Variants in ALDH1L2 observed in about 807,000 individuals in gnomAD.
ALDH1L2 encodes the protein aldehyde dehydrogenase 1 family member L2.
ALDH1L2 carries 91 observed loss-of-function variants against 111.0 expected under a neutral mutation model. That is an observed-to-expected ratio of 0.82 (90% confidence interval 0.69 to 0.98). The LOEUF is 0.98. ALDH1L2 is among the 50% of genes least tolerant of loss of function. ALDH1L2 has a pLI of 0.00. For missense variants in ALDH1L2, 995 were observed against 1,126.8 expected, an observed-to-expected ratio of 0.88 and a Z score of 1.67; for synonymous variants, 374 against 392.6, an observed-to-expected ratio of 0.95 and a Z score of 0.56.
intron 16 of ALDH1L2, among the ~76,000 whole-genome samples, chr12:105,040,327 T>C (rs889348218): frequency 6.6e-6 from 1 of 152,082 alleles, no homozygotes; most frequent in African/African-American, 2.4e-5. Context: ...TAAGCCTTGA[T>C]TTTTATCTTC....
chr12:105,038,340 T>G, intron 17 of ALDH1L2, 138 bp from the exon 18 acceptor site: 1 of 616,570 alleles, frequency 1.6e-6, no homozygotes, highest in Non-Finnish European at 2.8e-6. Flanking sequence ...AGCTATAAGT[T>G]ACCACCTGGC....
chr12:105,021,042 G>C lies in ALDH1L2; in HGVS notation c.*3382C>G, dbSNP rs977833861. The C allele has an allele frequency of 6.6e-6, 1 of 152,438 alleles. No homozygotes were observed. The highest frequency in any genetic ancestry group is 2.4e-5 in the African/African-American group (1 of 41,452). 9.4% of individuals were successfully genotyped at this position (152,438 alleles called of 1,614,324 possible). A position where few individuals can be genotyped will look rare whatever the true frequency, so the allele number is the denominator to read the frequency against. On this transcript the variant is annotated 3_prime_UTR_variant, in exon 23 of 23. Coordinates refer to ENST00000258494, the MANE Select transcript of ALDH1L2 (RefSeq NM_001034173.4). ...GACAGAGGCCCTGAGGCAGGAGCAG[G>C]CTTGTTCTGTTGAGGAAGTCAAGGC...
intron 7 of ALDH1L2, among the ~76,000 whole-genome samples, chr12:105,062,569 G>A (rs1007140400): frequency 6.6e-6 from 1 of 152,306 alleles, no homozygotes; most frequent in African/African-American, 2.4e-5. Flanking sequence ...CATTGGGAAG[G>A]CAGACAGACA....
At chr12:105,068,984 G>A in intron 3 of ALDH1L2, 100 bp from the exon 4 acceptor site, 1 of 1,097,860 alleles carries the variant, frequency 9.1e-7, no homozygotes, top group African/African-American at 1.6e-5. Flanking sequence ...TGGAAAAGTA[G>A]ACAATGAATG....
intron 15 of ALDH1L2, among the ~76,000 whole-genome samples, chr12:105,042,088 C>G (rs1250035959): frequency 5.3e-5 from 8 of 151,878 alleles, no homozygotes; most frequent in African/African-American, 1.9e-4. Context: ...ACAACACACA[C>G]ACACACGTCT....
At chr12:105,075,848 C>T (rs1462441411) in intron 1 of ALDH1L2, among the ~76,000 whole-genome samples, 1 of 152,106 alleles carries the variant, frequency 6.6e-6, no homozygotes, top group African/African-American at 2.4e-5. Context: ...TGAAGTGGTG[C>T]AATCTCGGCT....
At chr12:105,065,175 A>C in intron 6 of ALDH1L2, 92 bp downstream of exon 6, 1 of 791,196 alleles carries the variant, frequency 1.3e-6, no homozygotes, top group Non-Finnish European at 2.1e-6. Flanking sequence ...ATGACCAAGG[A>C]AGAACCATGG....
At chr12:105,082,321 T>G (rs1403561756) in intron 1 of ALDH1L2, among the ~76,000 whole-genome samples, 1 of 152,200 alleles carries the variant, frequency 6.6e-6, no homozygotes, top group Non-Finnish European at 1.5e-5. Flanking sequence ...AACAGTTCCA[T>G]TACCGCCCAA....
chr12:105,042,549 A>G, intron 15 of ALDH1L2, among the ~76,000 whole-genome samples: 1 of 152,048 alleles, frequency 6.6e-6, no homozygotes, highest in East Asian at 1.9e-4. Flanking sequence ...TGTTTTGTTT[A>G]TATTTAATTT....
At chr12:105,031,515 CTG>C (rs1310415381) in intron 20 of ALDH1L2, among the ~76,000 whole-genome samples, 3 of 152,164 alleles carry the variant, frequency 2.0e-5, no homozygotes, top group Non-Finnish European at 2.9e-5. Context: ...GAGTCTCAGT[CTG>C]TTGCCCAAGT....
Position 105,024,296 on chromosome 12 carries a change from T to C in ALDH1L2, c.*128A>G. 1.0e-6 allele frequency: 1 copy of C among 999,782 alleles called. No homozygotes were observed. Among genetic ancestry groups the C allele is most frequent in the Non-Finnish European group, 1.5e-6 (1 of 645,624 alleles). The allele number at this position is 999,782 out of a possible 1,614,324, so 61.9% of individuals were successfully genotyped here. On this transcript the variant is annotated 3_prime_UTR_variant, in exon 23 of 23. Coordinates refer to ENST00000258494, the MANE Select transcript of ALDH1L2 (RefSeq NM_001034173.4). Reference sequence around the variant, plus strand: ...AATGCTTTAACATGGCCTGGCCCTCTTCATGGTCCATCTGTGTATTTTTTG... The same window carrying C: ...AATGCTTTAACATGGCCTGGCCCTCCTCATGGTCCATCTGTGTATTTTTTG...
At position 105,070,727 on chromosome 12, in the gene ALDH1L2, C is replaced by A; in HGVS notation, c.271G>T (p.Val91Leu). The A allele has an allele frequency of 5.0e-6, 8 of 1,614,186 alleles. No homozygotes were observed. The highest frequency in any genetic ancestry group is 1.1e-5 in the South Asian group (1 of 91,080). The change falls in exon 3 of 23, where the codon GTG (valine) becomes TTG (leucine). Residue 91 changes from valine (V) to leucine (L), a missense_variant. Val to Leu is a conservative substitution (Grantham distance 32). Transcript: ENST00000258494. ...CCCACGGATCTGTAGGCTTCTGCCACTTCTTTGATGGTCTTGCCCTTGACC... is the reference window on the plus strand; with the variant it reads ...CCCACGGATCTGTAGGCTTCTGCCAATTCTTTGATGGTCTTGCCCTTGACC... ...WRVKGKTIKE[V>L]AEAYRSVGAE... is the part of the protein sequence containing the mutation.
chr12:105,039,211 T>A (rs989807003), intron 17 of ALDH1L2, among the ~76,000 whole-genome samples: 4 of 152,070 alleles, frequency 2.6e-5, no homozygotes, highest in African/African-American at 9.7e-5. Flanking sequence ...TTAACAACAC[T>A]TTTCAATGTT....
chr12:105,074,196 G>A (rs1877896711), intron 1 of ALDH1L2, 191 bp from the exon 2 acceptor site: 3 of 632,916 alleles, frequency 4.7e-6, no homozygotes, highest in African/African-American at 1.9e-5. Context: ...GGTGGCTCAC[G>A]CTTATAATCC....
chr12:105,070,435 TG>T, intron 3 of ALDH1L2, 134 bp downstream of exon 3: 1 of 721,976 alleles, frequency 1.4e-6, no homozygotes, highest in Non-Finnish European at 2.2e-6. Flanking sequence ...CTGGGTGTTC[TG>T]GCACAATCCT....
rs757678040 is a variant in ALDH1L2 at position 105,026,688 on chromosome 12, C to G, written c.2573G>C (p.Gly858Ala). 6.2e-7 allele frequency: 1 copy of G among 1,614,192 alleles called. No individual in the cohort carries two copies. The highest frequency in any genetic ancestry group is 8.5e-7 in the Non-Finnish European group (1 of 1,180,026). The change falls in exon 22 of 23, where the codon GGG becomes GCG. Residue 858 changes from glycine to alanine, a missense_variant. Transcript: ENST00000258494. ...TTTGTTTATGTCTCTTGTAAAAACC[C>G]CTGAGGCCAAACCATACTCTGTACT... Reference protein sequence around the residue: ...ANSTEYGLASGVFTRDINKAM... With the variant: ...ANSTEYGLASAVFTRDINKAM...
chr12:105,065,174 GA>G, intron 6 of ALDH1L2, 92 bp downstream of exon 6: 1 of 839,620 alleles, frequency 1.2e-6, no homozygotes, highest in Non-Finnish European at 1.9e-6. Flanking sequence ...CATGACCAAG[GA>G]AGAACCATGG....
intron 1 of ALDH1L2, among the ~76,000 whole-genome samples, chr12:105,075,592 GC>G (rs1304110031): frequency 1.3e-5 from 2 of 151,648 alleles, no homozygotes; most frequent in Non-Finnish European, 2.9e-5. Flanking sequence ...TCCACACCCC[GC>G]CCCCGCAAAA....
rs930502424 is a variant in ALDH1L2, at chr12:105,039,632, C to T, written c.2045+81G>A. 10 of 1,147,096 alleles carry T rather than the reference C, an allele frequency of 8.7e-6. No homozygotes were observed. The African/African-American group carries it at 1.5e-4, about 17-fold the overall frequency. The allele number at this position is 1,147,096 out of a possible 1,614,324, so 71.1% of individuals were successfully genotyped here. A position where few individuals can be genotyped will look rare whatever the true frequency, so the allele number is the denominator to read the frequency against. ...TCCAAAGTTGATGTAGTTTTTCTCA[C>T]TCAAAAAGTACCCTGTTTAAACAAA... On this transcript the variant is annotated intron_variant, in intron 17 of 22. Coordinates refer to ENST00000258494, the MANE Select transcript of ALDH1L2 (RefSeq NM_001034173.4).
Sources: gnomAD v4.1 joint callset for allele counts (sites outside exome capture counted in the v4.1 genomes callset) on GRCh38, gnomAD v4.1.1 for gene constraint, MANE v1.5 for transcripts, NCBI Gene and HGNC (gene_info 2026-07-23, HGNC 2026-07-21) for gene names.